Variants in MEIS1 observed in about 807,000 individuals in gnomAD.
The protein encoded by MEIS1 is Meis homeobox 1, also known as homeobox protein Meis1.
MEIS1 carries 5 observed loss-of-function variants against 50.8 expected under a neutral mutation model. The ratio of observed to expected loss-of-function variants is 0.10; its 90% CI spans 0.05 to 0.21. The LOEUF is 0.21. Ranked by LOEUF, MEIS1 falls within the 10% of genes least tolerant of loss-of-function variation. The pLI, the probability that MEIS1 is intolerant of heterozygous loss-of-function variation, is 1.00. For missense variants in MEIS1, 318 were observed against 517.3 expected, an observed-to-expected ratio of 0.61 and a Z score of 3.74; for synonymous variants, 176 against 179.3, an observed-to-expected ratio of 0.98 and a Z score of 0.15.
intron 3 of MEIS1, 121 bp from the exon 4 acceptor site, chr2:66,440,441 G>A (rs1486383582): frequency 1.2e-6 from 1 of 830,606 alleles, no homozygotes; most frequent in East Asian, 2.6e-5. Flanking sequence ...CCCTCCCGGA[G>A]GGTTACTTCC....
At chr2:66,539,257 G>A (rs1212916898) in intron 8 of MEIS1, among the ~76,000 whole-genome samples, 1 of 152,132 alleles carries the variant, frequency 6.6e-6, no homozygotes, top group African/African-American at 2.4e-5. Context: ...TAAAGTGATG[G>A]GCATGTGAGT....
intron 8 of MEIS1, among the ~76,000 whole-genome samples, chr2:66,531,751 G>A (rs1216327565): frequency 1.3e-5 from 2 of 152,214 alleles, no homozygotes; most frequent in Non-Finnish European, 2.9e-5. Flanking sequence ...TGCGGACGAA[G>A]GCCCTGTGTG....
intron 7 of MEIS1, among the ~76,000 whole-genome samples, chr2:66,506,102 A>T (rs1421361302): frequency 6.6e-6 from 1 of 152,214 alleles, no homozygotes. Context: ...AGGATTTGAG[A>T]GCAGAGAGGT....
At chr2:66,490,199 C>T (rs558428950) in intron 7 of MEIS1, among the ~76,000 whole-genome samples, 7 of 152,326 alleles carry the variant, frequency 4.6e-5, no homozygotes, top group Admixed American at 3.3e-4. Flanking sequence ...GTCACTGAGA[C>T]CACTTCACAG....
intron 7 of MEIS1, among the ~76,000 whole-genome samples, chr2:66,504,883 A>G (rs905108574): frequency 6.6e-6 from 1 of 152,206 alleles, no homozygotes; most frequent in African/African-American, 2.4e-5. Flanking sequence ...GGTAAAATAT[A>G]TGAGAATATG....
intron 7 of MEIS1, among the ~76,000 whole-genome samples, chr2:66,498,601 T>C (rs1229030551): frequency 3.3e-5 from 5 of 152,110 alleles, no homozygotes. Flanking sequence ...ACCCATGAGG[T>C]CACCTACTCA....
rs995221806 is a variant in MEIS1 at position 66,555,709 on chromosome 2, G to A, written c.965+7690G>A. Among the ~76,000 whole-genome samples the A allele has an allele frequency of 3.3e-5, 5 of 152,058 alleles. No individual in the cohort carries two copies. In the East Asian group the frequency reaches 7.7e-4, roughly 24 times the overall value. On this transcript the variant is annotated intron_variant, in intron 9 of 12. Coordinates refer to ENST00000272369, the MANE Select transcript of MEIS1 (RefSeq NM_002398.3). ...TGTTGGGTGATTAACCGTTAAGCAC[G>A]GAAGCGCAGTACCCAGAGAGACCCT...
chr2:66,461,544 A>G (rs1308108254), intron 6 of MEIS1, among the ~76,000 whole-genome samples: 1 of 152,232 alleles, frequency 6.6e-6, no homozygotes, highest in East Asian at 1.9e-4. Context: ...ACTTCAGAGA[A>G]GTGCATTCAG....
At position 66,461,793 on chromosome 2, in the gene MEIS1, G is replaced by C. The variant is rs181948663; in HGVS notation, c.631-2316G>C. 1,775 of 454,996 alleles carry C rather than the reference G, an allele frequency of 3.9e-3. 8 individuals are homozygous for C. The highest frequency in any genetic ancestry group is 6.2e-3 in the Non-Finnish European group (1,359 of 220,950). 28.2% of individuals were successfully genotyped at this position (454,996 alleles called of 1,614,324 possible). On this transcript the variant is annotated intron_variant, in intron 6 of 12. Transcript: ENST00000272369. ...CAATGAAAATGCAATGAATCGGAAT[G>C]CCTCACAGATCATAGCGGAATCAGA...
In MEIS1 at chr2:66,507,322, G is replaced by A. The variant is rs1385058888; in HGVS notation, c.743-4827G>A. On this transcript the variant is annotated intron_variant, in intron 7 of 12. Coordinates refer to ENST00000272369, the MANE Select transcript of MEIS1 (RefSeq NM_002398.3). ...GGAGAAAAGTAAAGTTTAAAGAGAGGATATGGCCCAAAACTGTGGAGTCTC... is the reference window on the plus strand; with the variant it reads ...GGAGAAAAGTAAAGTTTAAAGAGAGAATATGGCCCAAAACTGTGGAGTCTC... Among the ~76,000 whole-genome samples, 5 of 152,130 alleles carry A rather than the reference G, an allele frequency of 3.3e-5. No homozygotes were observed. In the East Asian group the frequency reaches 9.7e-4, roughly 29 times the overall value.
At chr2:66,471,506 A>G (rs865910066) in intron 7 of MEIS1, among the ~76,000 whole-genome samples, 101 of 152,224 alleles carry the variant, frequency 6.6e-4, no homozygotes, top group African/African-American at 2.4e-3. Context: ...TCATTTTTTA[A>G]GAAATACCAA....
At chr2:66,526,768 C>CAT (rs1170698094) in intron 8 of MEIS1, among the ~76,000 whole-genome samples, 1 of 152,304 alleles carries the variant, frequency 6.6e-6, no homozygotes, top group South Asian at 2.1e-4. Context: ...CATTGTCAAA[C>CAT]ATATATATAC....
chr2:66,475,222 A>G (rs529572699), intron 7 of MEIS1, among the ~76,000 whole-genome samples: 20 of 130,958 alleles, frequency 1.5e-4, no homozygotes, highest in Non-Finnish European at 2.3e-4. Context: ...AAATATGTAT[A>G]TTTATAAAAA....
intron 9 of MEIS1, chr2:66,562,055 T>TTTTTTTTTTTTTTTTTTTC (rs1558565098): frequency 7.2e-6 from 1 of 138,060 alleles, no homozygotes; most frequent in Non-Finnish European, 1.5e-5. Flanking sequence ...TTTTTTTTTT[T>TTTTTTTTTTTTTTTTTTTC]TTTTTTTTTT....
intron 9 of MEIS1, among the ~76,000 whole-genome samples, chr2:66,550,563 A>G (rs1437843853): frequency 1.3e-5 from 2 of 151,976 alleles, no homozygotes; most frequent in African/African-American, 4.8e-5. Context: ...AGTGGTGTGA[A>G]CATGGCTCAC....
At chr2:66,445,710 G>T (rs1672116271) in intron 6 of MEIS1, among the ~76,000 whole-genome samples, 1 of 152,144 alleles carries the variant, frequency 6.6e-6, no homozygotes, top group Non-Finnish European at 1.5e-5. Flanking sequence ...TGCCACCCGC[G>T]CGGGGACCTG....
intron 9 of MEIS1, among the ~76,000 whole-genome samples, chr2:66,550,659 G>C (rs1213017407): frequency 1.3e-5 from 2 of 151,988 alleles, no homozygotes; most frequent in African/African-American, 4.8e-5. Flanking sequence ...ACCATGCCCA[G>C]TTAATTTTTT....
chr2:66,538,402 C>T (rs1674570241), intron 8 of MEIS1, among the ~76,000 whole-genome samples: 1 of 152,086 alleles, frequency 6.6e-6, no homozygotes, highest in Non-Finnish European at 1.5e-5. Context: ...ATACAGTAAA[C>T]ATTATATAAA....
chr2:66,514,395 C>T (rs1305636317), intron 8 of MEIS1, among the ~76,000 whole-genome samples: 1 of 152,172 alleles, frequency 6.6e-6, no homozygotes, highest in African/African-American at 2.4e-5. Context: ...ATTTTACATG[C>T]ATTGCATTGC....
Sources: gnomAD v4.1 joint callset for allele counts (sites outside exome capture counted in the v4.1 genomes callset) on GRCh38, gnomAD v4.1.1 for gene constraint, MANE v1.5 for transcripts, NCBI Gene and HGNC (gene_info 2026-07-23, HGNC 2026-07-21) for gene names.